The following CAMK1D variants were observed in gnomAD, a reference collection of about 807,000 sequenced individuals.
CAMK1D encodes calcium/calmodulin dependent protein kinase ID.
A neutral mutation model predicts 47.7 loss-of-function variants in CAMK1D; 9 were observed. That is an observed-to-expected ratio of 0.19 (90% CI 0.11 to 0.33). CAMK1D has a LOEUF of 0.33. Ranked by LOEUF, CAMK1D falls within the 10% of genes least tolerant of loss-of-function variation. The pLI is 1.00. For synonymous variants in CAMK1D, 184 were observed against 184.9 expected, an observed-to-expected ratio of 0.99 and a Z score of 0.04; for missense variants, 291 against 488.7, an observed-to-expected ratio of 0.60 and a Z score of 3.81.
intron 6 of CAMK1D, among the ~76,000 whole-genome samples, chr10:12,802,530 C>CT (rs971792731): frequency 1.3e-5 from 2 of 151,920 alleles, no homozygotes; most frequent in East Asian, 1.9e-4. Context: ...TCATTTCTTT[C>CT]TTTTTTTTGA....
chr10:12,445,655 A>G (rs555279426), intron 1 of CAMK1D, among the ~76,000 whole-genome samples: 1 of 152,290 alleles, frequency 6.6e-6, no homozygotes. Flanking sequence ...CATGATCATC[A>G]TTGCTTTTGT....
chr10:12,721,331 C>A lies in CAMK1D; in HGVS notation c.300-39617C>A, dbSNP rs1324699419. Among the ~76,000 whole-genome samples the A allele has an allele frequency of 2.0e-5, 3 of 152,182 alleles. No individual in the cohort carries two copies. In the East Asian group the frequency reaches 5.8e-4, roughly 29 times the overall value. On this transcript the variant is annotated intron_variant, in intron 3 of 10. Transcript: ENST00000619168. ...CACTTCTTGTTCCAAATATAACCAACTTATAAAAACACCTTCTGGAACTCC... is the reference window on the plus strand; with the variant it reads ...CACTTCTTGTTCCAAATATAACCAAATTATAAAAACACCTTCTGGAACTCC...
intron 1 of CAMK1D, among the ~76,000 whole-genome samples, chr10:12,461,775 AG>A (rs145922589): frequency 0.016 from 2,413 of 151,804 alleles, 40 homozygotes; most frequent in East Asian, 0.06. Flanking sequence ...AGTTATTTTT[AG>A]GTGTTCTTCT....
chr10:12,781,551 A>G (rs1196259469), intron 5 of CAMK1D, among the ~76,000 whole-genome samples: 1 of 152,192 alleles, frequency 6.6e-6, no homozygotes, highest in African/African-American at 2.4e-5. Flanking sequence ...TGAGAATGGT[A>G]ATTACATACC....
chr10:12,739,580 C>G (rs543644520), intron 3 of CAMK1D, among the ~76,000 whole-genome samples: 1 of 151,996 alleles, frequency 6.6e-6, no homozygotes, highest in African/African-American at 2.4e-5. Context: ...TGAGCCACCG[C>G]ACCCGGCTGA....
In CAMK1D at chr10:12,447,900, T is replaced by G. The variant is rs149901285; in HGVS notation, c.92+97990T>G. The stretch of plus-strand genomic sequence containing the variant: ...GGAGTTTCGCTCTTGTTGCCCAGGC[T>G]AGGGTGCAATGGCACAATCTCGGCT... On this transcript the variant is annotated intron_variant, in intron 1 of 10. Transcript: ENST00000619168. Among the ~76,000 whole-genome samples, 355 of 152,308 alleles carry G rather than the reference T, an allele frequency of 2.3e-3. 3 individuals carry two copies. The highest frequency in any genetic ancestry group is 7.6e-3 in the African/African-American group (315 of 41,580).
In CAMK1D at chr10:12,833,579, G is replaced by T. The variant is rs1194734956; in HGVS notation, c.*4692G>T. ...GAACCATTGCTCTAGGGCTGAAGGT[G>T]GAAGTAGGGCCACTGCCGCAGCTTC... On this transcript the variant is annotated 3_prime_UTR_variant, in exon 11 of 11. Transcript: ENST00000619168. The T allele has an allele frequency of 1.3e-5, 2 of 152,230 alleles. No homozygotes were observed. Among genetic ancestry groups the T allele is most frequent in the East Asian group, 3.8e-4 (2 of 5,196 alleles). The allele number at this position is 152,230 out of a possible 1,614,324, so 9.4% of individuals were successfully genotyped here.
intron 2 of CAMK1D, among the ~76,000 whole-genome samples, chr10:12,656,291 G>C (rs920127821): frequency 2.0e-5 from 3 of 152,122 alleles, no homozygotes; most frequent in Admixed American, 1.3e-4. Context: ...ATACCTTCAG[G>C]ACCAGCCTGG....
At chr10:12,520,764 CA>C (rs1369674765) in intron 1 of CAMK1D, among the ~76,000 whole-genome samples, 1 of 37,310 alleles carries the variant, frequency 2.7e-5, no homozygotes. Flanking sequence ...CAGTCTCCAC[CA>C]AAAAAAAACG....
chr10:12,652,754 A>G (rs1388654665), intron 2 of CAMK1D, among the ~76,000 whole-genome samples: 1 of 152,236 alleles, frequency 6.6e-6, no homozygotes, highest in Non-Finnish European at 1.5e-5. Flanking sequence ...AGGATATAAT[A>G]GAACTATAAG....
intron 1 of CAMK1D, among the ~76,000 whole-genome samples, chr10:12,543,410 A>T (rs1267887080): frequency 6.6e-6 from 1 of 152,210 alleles, no homozygotes; most frequent in East Asian, 1.9e-4. Context: ...GGAAAAGATT[A>T]TGAGAAACTG....
chr10:12,537,233 G>A (rs1449640155), intron 1 of CAMK1D, among the ~76,000 whole-genome samples: 1 of 152,064 alleles, frequency 6.6e-6, no homozygotes, highest in Non-Finnish European at 1.5e-5. Flanking sequence ...CACTGTGCCC[G>A]GCTAATTTTT....
At chr10:12,501,793 T>C (rs1321296492) in intron 1 of CAMK1D, among the ~76,000 whole-genome samples, 1 of 152,084 alleles carries the variant, frequency 6.6e-6, no homozygotes, top group Non-Finnish European at 1.5e-5. Context: ...CCCTAAAGTA[T>C]TATACAGCCT....
At chr10:12,751,056 GATAAGATAAGATAAGATAAGA>G (rs1564535287) in intron 3 of CAMK1D, among the ~76,000 whole-genome samples, 1 of 298 alleles carries the variant, frequency 3.4e-3, no homozygotes. Context: ...CCCCCAATAA[GATAAGATAAGATAAGATAAGA>G]TAAGATAAGA....
At chr10:12,490,553 A>C (rs1267229097) in intron 1 of CAMK1D, among the ~76,000 whole-genome samples, 1 of 152,228 alleles carries the variant, frequency 6.6e-6, no homozygotes. Flanking sequence ...TAACGAAAAG[A>C]AAAACCACAA....
intron 3 of CAMK1D, among the ~76,000 whole-genome samples, chr10:12,739,279 C>T (rs111331895): frequency 0.015 from 2,228 of 151,682 alleles, 75 homozygotes; most frequent in African/African-American, 0.052. Flanking sequence ...TAGATACGTT[C>T]CCCTCTCCCC....
At chr10:12,631,492 A>C (rs1348503309) in intron 2 of CAMK1D, among the ~76,000 whole-genome samples, 1 of 152,186 alleles carries the variant, frequency 6.6e-6, no homozygotes, top group Non-Finnish European at 1.5e-5. Context: ...ATAGCCAATC[A>C]GGTAAAGTGT....
chr10:12,824,318 A>G, intron 8 of CAMK1D, 147 bp from the exon 9 acceptor site: 1 of 655,814 alleles, frequency 1.5e-6, no homozygotes, highest in South Asian at 1.8e-5. Flanking sequence ...AGGTGATGAC[A>G]TCAGCAGCCT....
At chr10:12,404,180 G>A (rs1839330483) in intron 1 of CAMK1D, among the ~76,000 whole-genome samples, 1 of 151,922 alleles carries the variant, frequency 6.6e-6, no homozygotes, top group African/African-American at 2.4e-5. Context: ...CCAGTAGTTG[G>A]GATTACAGGT....
Sources: allele counts gnomAD v4.1 joint callset (sites outside exome capture counted in the v4.1 genomes callset), GRCh38; gene constraint gnomAD v4.1.1; transcripts MANE v1.5; gene names NCBI Gene and HGNC (gene_info 2026-07-23, HGNC 2026-07-21).